DNAH7: variants seen among roughly 807,000 people sequenced by gnomAD.
DNAH7 encodes the protein axonemal beta dynein heavy chain 7.
DNAH7 carries 397 observed loss-of-function variants against 444.6 expected under a neutral mutation model. The observed-to-expected ratio is 0.89, with a 90% CI of 0.82 to 0.97. The LOEUF is 0.97. DNAH7 is among the 50% of genes least tolerant of loss of function. The pLI, the probability that DNAH7 is intolerant of heterozygous loss-of-function variation, is 0.00. For synonymous variants in DNAH7, 1,636 were observed against 1,624.4 expected (o/e 1.01, Z -0.17); for missense variants, 4,902 against 4,800.8 (o/e 1.02, Z -0.62).
intron 48 of DNAH7, among the ~76,000 whole-genome samples, chr2:195,826,029 C>T (rs1697727938): frequency 6.6e-6 from 1 of 152,164 alleles, no homozygotes; most frequent in South Asian, 2.1e-4. Context: ...ATGAATGCAT[C>T]ATAATGTATT....
chr2:195,842,388 C>A (rs1698739453), intron 47 of DNAH7, among the ~76,000 whole-genome samples: 1 of 152,014 alleles, frequency 6.6e-6, no homozygotes, highest in East Asian at 1.9e-4. Context: ...AAGCACTTAG[C>A]ACAGGATTAG....
At chr2:195,772,999 T>A (rs1287788342) in intron 60 of DNAH7, among the ~76,000 whole-genome samples, 3 of 152,184 alleles carry the variant, frequency 2.0e-5, no homozygotes, top group Non-Finnish European at 4.4e-5. Context: ...CAGGCTGGTC[T>A]CAAACTCCTG....
intron 12 of DNAH7, among the ~76,000 whole-genome samples, chr2:195,989,649 T>C (rs958476822): frequency 7.9e-5 from 12 of 152,200 alleles, no homozygotes; most frequent in African/African-American, 2.9e-4. Context: ...TAATCCCCAG[T>C]GTTGCAGGTA....
At chr2:196,035,449 A>G (rs1041672022) in intron 5 of DNAH7, among the ~76,000 whole-genome samples, 1 of 152,194 alleles carries the variant, frequency 6.6e-6, no homozygotes, top group Admixed American at 6.5e-5. Flanking sequence ...AGAAAACTAA[A>G]TGAACAAAGG....
chr2:195,787,069 T>C lies in DNAH7; in HGVS notation c.10819A>G (p.Asn3607Asp), dbSNP rs756713043. 8 of 1,612,096 alleles carry C rather than the reference T, an allele frequency of 5.0e-6. No individual in the cohort carries two copies. Among genetic ancestry groups the C allele is most frequent in the Non-Finnish European group, 5.9e-6 (7 of 1,179,514 alleles). The change falls in exon 58 of 65, where the codon AAT becomes GAT. Residue 3607 changes from asparagine to aspartate, a missense_variant. Coordinates refer to ENST00000312428, the MANE Select transcript of DNAH7 (RefSeq NM_018897.3). The stretch of plus-strand genomic sequence containing the variant: ...ACGCTGATTCTCAGATCTGTCTCAT[T>C]GAACTCATAAGGAATATTCCACCCT... ...PLGWNIPYEF[N>D]ETDLRISVQQ...
At chr2:195,840,335 T>C (rs1478424425) in intron 47 of DNAH7, among the ~76,000 whole-genome samples, 3 of 151,432 alleles carry the variant, frequency 2.0e-5, no homozygotes, top group Non-Finnish European at 4.4e-5. Context: ...ATCAGCAAAC[T>C]AGGAATAGAA....
Position 195,858,477 on chromosome 2 carries a change from T to C in DNAH7, c.8064A>G (p.Ala2688=). The C allele has an allele frequency of 6.3e-7, 1 of 1,597,346 alleles. No homozygotes were observed. The highest frequency in any genetic ancestry group is 8.5e-7 in the Non-Finnish European group (1 of 1,171,450). Residue 2688 remains alanine (A), a synonymous_variant, in exon 43 of 65, where the codon GCA becomes GCG. Coordinates refer to ENST00000312428, the MANE Select transcript of DNAH7 (RefSeq NM_018897.3). Reference sequence around the variant, plus strand: ...AAGTGTATGGCGAAGCTCTTACCTGTGCAGTAAGAGTATCAAGGGCGGCCA... The same window carrying C: ...AAGTGTATGGCGAAGCTCTTACCTGCGCAGTAAGAGTATCAAGGGCGGCCA... ...SALAALDTLT[A]QDITVVKSMK...
At chr2:195,742,352 A>G (rs1415793409) in intron 63 of DNAH7, among the ~76,000 whole-genome samples, 1 of 152,198 alleles carries the variant, frequency 6.6e-6, no homozygotes, top group Non-Finnish European at 1.5e-5. Flanking sequence ...ACCCTGCCTC[A>G]CTGACTCGAA....
At chr2:196,034,955 T>C (rs1696290731) in intron 5 of DNAH7, among the ~76,000 whole-genome samples, 2 of 152,112 alleles carry the variant, frequency 1.3e-5, no homozygotes, top group African/African-American at 4.8e-5. Context: ...CCGAGGCAAG[T>C]GGATCACCCG....
At chr2:195,965,069 G>GT (rs1691382599) in intron 17 of DNAH7, among the ~76,000 whole-genome samples, 1 of 152,018 alleles carries the variant, frequency 6.6e-6, no homozygotes, top group Non-Finnish European at 1.5e-5. Flanking sequence ...CTTTCTTTCA[G>GT]TTTTTCCCCA....
intron 54 of DNAH7, among the ~76,000 whole-genome samples, chr2:195,805,105 T>C (rs1280972086): frequency 6.6e-6 from 1 of 152,202 alleles, no homozygotes; most frequent in Non-Finnish European, 1.5e-5. Context: ...AAGAGATATA[T>C]CATCTTATTG....
At chr2:195,814,383 AT>A (rs1574483294) in intron 51 of DNAH7, among the ~76,000 whole-genome samples, 1 of 152,186 alleles carries the variant, frequency 6.6e-6, no homozygotes, top group East Asian at 1.9e-4. Flanking sequence ...GGTAAAAAGG[AT>A]TTGCTTTTCC....
intron 8 of DNAH7, among the ~76,000 whole-genome samples, chr2:196,020,717 T>A (rs1332845588): frequency 6.6e-6 from 1 of 151,834 alleles, no homozygotes; most frequent in Non-Finnish European, 1.5e-5. Flanking sequence ...TTCAAGCAAT[T>A]CTCTTGCCTT....
At chr2:196,004,371 A>G (rs1694231571) in intron 10 of DNAH7, among the ~76,000 whole-genome samples, 1 of 152,216 alleles carries the variant, frequency 6.6e-6, no homozygotes, top group South Asian at 2.1e-4. Context: ...TGCTTCTGAG[A>G]GTAGATCAAA....
chr2:195,982,949 A>C (rs952801597), intron 15 of DNAH7, among the ~76,000 whole-genome samples: 4 of 152,214 alleles, frequency 2.6e-5, no homozygotes, highest in African/African-American at 9.6e-5. Context: ...CAATAATTTA[A>C]TTGTACATTT....
intron 61 of DNAH7, among the ~76,000 whole-genome samples, chr2:195,769,380 T>A (rs1404328588): frequency 1.3e-5 from 2 of 151,690 alleles, no homozygotes; most frequent in African/African-American, 4.8e-5. Context: ...CCATCTTGGA[T>A]GCCAGTCTGC....
intron 1 of DNAH7, among the ~76,000 whole-genome samples, chr2:196,066,922 A>C (rs1361673197): frequency 1.3e-5 from 2 of 152,246 alleles, no homozygotes; most frequent in African/African-American, 4.8e-5. Flanking sequence ...CTAAATTAGC[A>C]TAAATGAAAT....
In DNAH7 at chr2:195,936,737, T is replaced by G. The variant is rs1220073438; in HGVS notation, c.3134A>C (p.Lys1045Thr). 6.3e-7 allele frequency: 1 copy of G among 1,597,852 alleles called. No homozygotes were observed. The highest frequency in any genetic ancestry group is 1.3e-5 in the African/African-American group (1 of 74,296). Residue 1045 changes from lysine to threonine, a missense_variant, in exon 20 of 65, where the codon AAA (lysine) becomes ACA (threonine). By Grantham distance (78) the Lys-to-Thr change is moderately conservative (BLOSUM62 -1). Coordinates refer to ENST00000312428, the MANE Select transcript of DNAH7 (RefSeq NM_018897.3). ...TIDRMLERLK[K>T]SNELLELILK... The stretch of plus-strand genomic sequence containing the variant: ...AATGAGCTCCAAAAGTTCATTAGAT[T>G]TTTTCAGCCTTTCCAGCATTCTGTC...
At chr2:195,752,119 A>G (rs1693829718) in intron 63 of DNAH7, among the ~76,000 whole-genome samples, 1 of 152,102 alleles carries the variant, frequency 6.6e-6, no homozygotes, top group African/African-American at 2.4e-5. Flanking sequence ...AAAAAATGAA[A>G]AAATTAGCTG....
Sources: gnomAD v4.1 joint callset for allele counts (sites outside exome capture counted in the v4.1 genomes callset) on GRCh38, gnomAD v4.1.1 for gene constraint, MANE v1.5 for transcripts, NCBI Gene and HGNC (gene_info 2026-07-23, HGNC 2026-07-21) for gene names.